The following MCC variants were observed in gnomAD, a reference collection of about 807,000 sequenced individuals.
The protein encoded by MCC is MCC regulator of Wnt signaling pathway, also known as colorectal mutant cancer protein.
MCC carries 90 observed loss-of-function variants against 116.2 expected under a neutral mutation model. The observed-to-expected ratio is 0.77, with a 90% CI of 0.65 to 0.92. MCC has a LOEUF of 0.92. Among genes scored for constraint, MCC ranks in the 40% least tolerant of loss-of-function variants. The pLI is 0.00. For missense variants in MCC, 1,516 were observed against 1,312.2 expected, an observed-to-expected ratio of 1.16 and a Z score of -2.40; for synonymous variants, 578 against 510.5, an observed-to-expected ratio of 1.13 and a Z score of -1.78.
chr5:113,430,230 TTC>T (rs1770591940), intron 1 of MCC, among the ~76,000 whole-genome samples: 1 of 152,248 alleles, frequency 6.6e-6, no homozygotes, highest in African/African-American at 2.4e-5. Flanking sequence ...ACACCAATCT[TTC>T]ATAAGTTTTG....
At chr5:113,427,878 C>T (rs753088682) in intron 1 of MCC, among the ~76,000 whole-genome samples, 16 of 152,136 alleles carry the variant, frequency 1.1e-4, no homozygotes, top group Non-Finnish European at 1.9e-4. Flanking sequence ...TTCATAACCT[C>T]TCTGCTAATT....
intron 3 of MCC, among the ~76,000 whole-genome samples, chr5:113,246,330 T>A (rs1406405510): frequency 6.6e-6 from 1 of 152,234 alleles, no homozygotes; most frequent in Non-Finnish European, 1.5e-5. Context: ...GAAAAGTTCA[T>A]CTTTTTTAAA....
At chr5:113,447,368 T>C (rs1276770285) in intron 1 of MCC, among the ~76,000 whole-genome samples, 3 of 152,216 alleles carry the variant, frequency 2.0e-5, no homozygotes, top group African/African-American at 7.2e-5. Flanking sequence ...TACTTTTTCC[T>C]TTATAAAAAG....
At chr5:113,029,407 G>T (rs72801299) in intron 17 of MCC, among the ~76,000 whole-genome samples, 2 of 148,752 alleles carry the variant, frequency 1.3e-5, no homozygotes, top group South Asian at 2.2e-4. Context: ...ACAAACCCCC[G>T]TCTGTCTCCA....
intron 3 of MCC, among the ~76,000 whole-genome samples, chr5:113,313,920 A>T (rs1262005410): frequency 6.6e-6 from 1 of 152,124 alleles, no homozygotes; most frequent in Non-Finnish European, 1.5e-5. Flanking sequence ...TCCTGGGCTC[A>T]AGTGATCCTC....
At chr5:113,218,261 C>A (rs921920846) in intron 3 of MCC, among the ~76,000 whole-genome samples, 3 of 152,140 alleles carry the variant, frequency 2.0e-5, no homozygotes, top group Non-Finnish European at 4.4e-5. Context: ...AGCTTTCATG[C>A]CCTGGCCTTC....
intron 3 of MCC, among the ~76,000 whole-genome samples, chr5:113,295,562 T>TTGAAAGA (rs1339101382): frequency 2.0e-5 from 3 of 151,886 alleles, no homozygotes; most frequent in Non-Finnish European, 1.5e-5. Context: ...CCCCCAGACC[T>TTGAAAGA]TCCTTAATTG....
intron 3 of MCC, among the ~76,000 whole-genome samples, chr5:113,278,901 T>C (rs754715359): frequency 1.3e-5 from 2 of 152,220 alleles, no homozygotes; most frequent in African/African-American, 2.4e-5. Context: ...GTTTATGCTG[T>C]CCAGAAATTT....
At chr5:113,470,194 AT>A (rs1299218275) in intron 1 of MCC, among the ~76,000 whole-genome samples, 1 of 151,706 alleles carries the variant, frequency 6.6e-6, no homozygotes, top group African/African-American at 2.4e-5. Context: ...TAAAGTTAAT[AT>A]TGTTATGTGT....
At chr5:113,183,714 A>C (rs558520630) in intron 3 of MCC, among the ~76,000 whole-genome samples, 2 of 152,318 alleles carry the variant, frequency 1.3e-5, no homozygotes, top group South Asian at 4.1e-4. Context: ...TCTCAAGAGC[A>C]CCAGGGGCAA....
intron 3 of MCC, among the ~76,000 whole-genome samples, chr5:113,335,613 C>T (rs192693477): frequency 4.0e-5 from 6 of 151,764 alleles, no homozygotes; most frequent in Non-Finnish European, 8.8e-5. Flanking sequence ...AAAAATCTAT[C>T]AGAAAACAGG....
intron 3 of MCC, among the ~76,000 whole-genome samples, chr5:113,152,643 ACAGCATGTTGGCTG>A (rs1028754856): frequency 6.6e-6 from 1 of 152,130 alleles, no homozygotes; most frequent in Non-Finnish European, 1.5e-5. Flanking sequence ...CCCTCCACAC[ACAGCATGTTGGCTG>A]GCAGGCTTCA....
intron 3 of MCC, among the ~76,000 whole-genome samples, chr5:113,278,047 T>A (rs1045604276): frequency 6.6e-6 from 1 of 152,204 alleles, no homozygotes; most frequent in African/African-American, 2.4e-5. Flanking sequence ...AACCTGGGTA[T>A]TATTCCCAAT....
intron 6 of MCC, 147 bp from the exon 7 acceptor site, chr5:113,104,502 C>G: frequency 1.0e-5 from 6 of 581,200 alleles, no homozygotes; most frequent in Non-Finnish European, 1.7e-5. Context: ...CTCACAGGCA[C>G]TGCCTCTGAG....
chr5:113,283,456 T>C (rs536545960), intron 3 of MCC, among the ~76,000 whole-genome samples: 2 of 152,064 alleles, frequency 1.3e-5, no homozygotes, highest in South Asian at 2.1e-4. Context: ...GAAATGCAAA[T>C]CAAACCCACA....
At chr5:113,087,475 C>A (rs1755280263) in intron 8 of MCC, among the ~76,000 whole-genome samples, 1 of 152,252 alleles carries the variant, frequency 6.6e-6, no homozygotes, top group African/African-American at 2.4e-5. Context: ...CTGAAATGGT[C>A]CCTCACAAAC....
Position 113,122,792 on chromosome 5 carries a change from G to C in MCC, c.919C>G (p.Leu307Val), listed in dbSNP as rs146810871. ...TTGACCTCGTGTTGGCTCTGGCTGA[G>C]TTCTGATCGCAGTTCTGAGTACTCA... is the stretch of plus-strand genomic sequence containing the variant. ...EDEYSELRSE[L>V]SQSQHEVNED... Residue 307 changes from leucine to valine, a missense_variant, in exon 6 of 19, where the codon CTC becomes GTC. By Grantham distance (32) the Leu-to-Val change is conservative (BLOSUM62 1). Transcript: ENST00000408903. 11 of 1,614,054 alleles carry C rather than the reference G, an allele frequency of 6.8e-6. No individual in the cohort carries two copies. Among genetic ancestry groups the C allele is most frequent in the African/African-American group, 1.3e-5 (1 of 74,926 alleles).
At chr5:113,461,315 A>T (rs1267953051) in intron 1 of MCC, among the ~76,000 whole-genome samples, 1 of 152,214 alleles carries the variant, frequency 6.6e-6, no homozygotes, top group Non-Finnish European at 1.5e-5. Context: ...ACTCCTAAGA[A>T]CAGCCCCCTT....
chr5:113,103,439 A>G (rs1254772240), intron 7 of MCC, among the ~76,000 whole-genome samples: 1 of 152,258 alleles, frequency 6.6e-6, no homozygotes, highest in Non-Finnish European at 1.5e-5. Flanking sequence ...CCAGAGAAAG[A>G]AACACCAGCA....
Sources: gnomAD v4.1 joint callset for allele counts (sites outside exome capture counted in the v4.1 genomes callset) on GRCh38, gnomAD v4.1.1 for gene constraint, MANE v1.5 for transcripts, NCBI Gene and HGNC (gene_info 2026-07-23, HGNC 2026-07-21) for gene names.